HIBCH: variants seen among roughly 807,000 people sequenced by gnomAD.
The protein encoded by HIBCH is 3-hydroxyisobutyryl-CoA hydrolase, also known as 3-hydroxyisobutyryl-CoA hydrolase, mitochondrial.
Under a neutral mutation model 58.2 loss-of-function variants are expected in HIBCH, and 50 were observed. The observed-to-expected ratio is 0.86, with a 90% confidence interval of 0.68 to 1.09. The LOEUF (loss-of-function observed/expected upper bound fraction) is 1.09, where lower values mean the gene tolerates loss of function less well. HIBCH is among the 50% of genes least tolerant of loss of function. HIBCH has a pLI of 0.00. For missense variants in HIBCH, 450 were observed against 449.7 expected, an observed-to-expected ratio of 1.00 and a Z score of -0.01; for synonymous variants, 151 against 146.9, an observed-to-expected ratio of 1.03 and a Z score of -0.20.
intron 8 of HIBCH, chr2:190,250,266 G>C: frequency 7.6e-6 from 3 of 392,710 alleles, no homozygotes; most frequent in South Asian, 6.1e-5. Flanking sequence ...TCACCTTAAG[G>C]CCGGCTGTAC....
In HIBCH at chr2:190,236,847, CA is replaced by C. The variant is rs1686289837; in HGVS notation, c.891+8039del. On this transcript the variant is annotated intron_variant, in intron 11 of 13. Coordinates refer to ENST00000359678, the MANE Select transcript of HIBCH (RefSeq NM_014362.4). This position sits in a 1 kb window ranked among gnomAD's most constrained non-coding sequence, Gnocchi z 4.1. ...CTACTATTTTATGTTTCCTAAATGC[CA>C]ATGGTAGCATTTAAGGGTCGCTAAG... is the stretch of plus-strand genomic sequence containing the variant. 6.6e-6 allele frequency among the ~76,000 whole-genome samples: 1 copy of C among 152,028 alleles called. No homozygotes were observed. The highest frequency in any genetic ancestry group is 1.9e-4 in the East Asian group (1 of 5,192).
chr2:190,200,218 G>C (rs1198091836), downstream of HIBCH: 6 of 1,243,910 alleles, frequency 4.8e-6, no homozygotes, highest in African/African-American at 4.5e-5. Context: ...GCAAAAACTG[G>C]TGTGAAAAAG....
rs1231037821 is a variant in HIBCH at position 190,214,364 on chromosome 2, A to G, written c.892-1289T>C. On this transcript the variant is annotated intron_variant, in intron 11 of 13. Coordinates refer to ENST00000359678, the MANE Select transcript of HIBCH (RefSeq NM_014362.4). The surrounding 1 kb of genome is among the most constrained non-coding windows in gnomAD (Gnocchi z 5.5). Reference sequence around the variant, plus strand: ...GACACAGAGACTAAGTGAAAATGGGAAACAGGAATTCTAGGCCTACAGAAC... The same window carrying G: ...GACACAGAGACTAAGTGAAAATGGGGAACAGGAATTCTAGGCCTACAGAAC... 1 of 152,294 alleles carries G rather than the reference A, an allele frequency of 6.6e-6. No homozygotes were observed. Among genetic ancestry groups the G allele is most frequent in the Non-Finnish European group, 1.5e-5 (1 of 68,116 alleles). The allele number at this position is 152,294 out of a possible 1,614,324, so 9.4% of individuals were successfully genotyped here.
intron 8 of HIBCH, chr2:190,251,675 G>GT (rs869084473): frequency 0.019 from 3,515 of 181,952 alleles, 33 homozygotes; most frequent in Middle Eastern, 0.039. Flanking sequence ...TGGCCACATT[G>GT]TTTTTTTTTT....
intron 2 of HIBCH, among the ~76,000 whole-genome samples, chr2:190,297,862 C>A (rs934745862): frequency 1.3e-5 from 2 of 151,942 alleles, no homozygotes; most frequent in African/African-American, 2.4e-5. Context: ...AGGTTTTAAA[C>A]CCTGCGTGCA....
At chr2:190,265,053 G>A (rs945667367) in intron 6 of HIBCH, among the ~76,000 whole-genome samples, 1 of 148,642 alleles carries the variant, frequency 6.7e-6, no homozygotes, top group South Asian at 2.1e-4. Context: ...AACCTGGGAG[G>A]TGGAGGTTGC....
chr2:190,261,442 A>T (rs1009660427), intron 6 of HIBCH, among the ~76,000 whole-genome samples: 2 of 152,102 alleles, frequency 1.3e-5, no homozygotes, highest in Admixed American at 6.6e-5. Flanking sequence ...TTTATTAAAC[A>T]TTTACACATA....
intron 7 of HIBCH, among the ~76,000 whole-genome samples, chr2:190,259,578 G>A (rs914231224): frequency 1.3e-5 from 2 of 151,930 alleles, no homozygotes; most frequent in African/African-American, 4.8e-5. Context: ...TTACCTACTT[G>A]GTTAAATTTA....
At chr2:190,234,211 C>T (rs1399706563) in intron 11 of HIBCH, among the ~76,000 whole-genome samples, 1 of 152,196 alleles carries the variant, frequency 6.6e-6, no homozygotes, top group Non-Finnish European at 1.5e-5. Context: ...GCAACTAGTA[C>T]TTGAATGTAA....
intron 3 of HIBCH, among the ~76,000 whole-genome samples, chr2:190,296,276 C>T (rs1189495008): frequency 1.3e-5 from 2 of 152,022 alleles, no homozygotes; most frequent in Non-Finnish European, 2.9e-5. Flanking sequence ...AAAAATTAGC[C>T]GGGTGTGGTG....
At chr2:190,300,043 C>T (rs1241206182) in intron 2 of HIBCH, among the ~76,000 whole-genome samples, 1 of 152,102 alleles carries the variant, frequency 6.6e-6, no homozygotes, top group Non-Finnish European at 1.5e-5. Flanking sequence ...GTATATGTAT[C>T]ACGTTTTCTT....
At chr2:190,259,379 GACAT>G (rs1687025326) in intron 7 of HIBCH, among the ~76,000 whole-genome samples, 2 of 140,998 alleles carry the variant, frequency 1.4e-5, no homozygotes, top group African/African-American at 5.3e-5. Context: ...CTGTCTGACT[GACAT>G]GGTCTGGCTC....
chr2:190,252,642 A>C (rs1686807497), intron 7 of HIBCH, among the ~76,000 whole-genome samples: 1 of 152,194 alleles, frequency 6.6e-6, no homozygotes. Context: ...AATAGGTAAA[A>C]ATTTCAAAAA....
Position 190,281,287 on chromosome 2 carries a change from T to C in HIBCH, c.438+6299A>G, listed in dbSNP as rs1407683140. Among the ~76,000 whole-genome samples the C allele has an allele frequency of 3.9e-5, 6 of 152,188 alleles. No individual in the cohort carries two copies. The highest frequency in any genetic ancestry group is 1.9e-4 in the East Asian group (1 of 5,198). ...CTCTGCTTTCTGACAGCCTGCAGAA[T>C]TAGCACCACATGGATGCCACCAAGG... is the stretch of plus-strand genomic sequence containing the variant. On this transcript the variant is annotated intron_variant, in intron 6 of 13. Transcript: ENST00000359678. This position sits in a 1 kb window ranked among gnomAD's most constrained non-coding sequence, Gnocchi z 5.4.
At chr2:190,318,927 T>C (rs1688776408) in intron 1 of HIBCH, among the ~76,000 whole-genome samples, 1 of 152,200 alleles carries the variant, frequency 6.6e-6, no homozygotes, top group African/African-American at 2.4e-5. Flanking sequence ...CTATTCTTCT[T>C]AAGTCAAGGA....
intron 6 of HIBCH, among the ~76,000 whole-genome samples, chr2:190,261,836 GCCA>G (rs1687095203): frequency 6.6e-6 from 1 of 152,000 alleles, no homozygotes; most frequent in Admixed American, 6.6e-5. Flanking sequence ...ACTAGATAAG[GCCA>G]CTGCCTGCTC....
chr2:190,235,215 T>C (rs1409977062), intron 11 of HIBCH, among the ~76,000 whole-genome samples: 4 of 152,194 alleles, frequency 2.6e-5, no homozygotes, highest in Non-Finnish European at 2.9e-5. Flanking sequence ...GAGGTAATGA[T>C]TGGTCAGCTG....
chr2:190,245,727 C>A lies in HIBCH; in HGVS notation c.809+427G>T, dbSNP rs187508664. ...AAAACCCTATGCTGGCCAGGCATCA[C>A]GCCTGTAATCCCAGCACTTTGTGAG... On this transcript the variant is annotated intron_variant, in intron 10 of 13. Transcript: ENST00000359678. Among the ~76,000 whole-genome samples the A allele has an allele frequency of 2.2e-3, 330 of 152,186 alleles. 3 individuals carry two copies. The highest frequency in any genetic ancestry group is 6.9e-3 in the African/African-American group (288 of 41,540).
At position 190,240,942 on chromosome 2, in the gene HIBCH, G is replaced by A. The variant is rs117049296; in HGVS notation, c.891+3945C>T. On this transcript the variant is annotated intron_variant, in intron 11 of 13. Coordinates refer to ENST00000359678, the MANE Select transcript of HIBCH (RefSeq NM_014362.4). ...AGTGCTATGTGGTACTGAAAATAACGTATATTATGTTGATTTGGGGTAGAG... is the reference window on the plus strand; with the variant it reads ...AGTGCTATGTGGTACTGAAAATAACATATATTATGTTGATTTGGGGTAGAG... Among the ~76,000 whole-genome samples, 28 of 152,294 alleles carry A rather than the reference G, an allele frequency of 1.8e-4. No homozygotes were observed. In the East Asian group the frequency reaches 3.9e-3, roughly 21 times the overall value.
Sources: gnomAD v4.1 joint callset for allele counts (sites outside exome capture counted in the v4.1 genomes callset) on GRCh38, gnomAD v4.1.1 for gene constraint, Gnocchi (gnomAD v3.1) non-coding constraint, MANE v1.5 for transcripts, NCBI Gene and HGNC (gene_info 2026-07-23, HGNC 2026-07-21) for gene names.